PCDH7: variants seen among roughly 807,000 people sequenced by gnomAD.
The protein encoded by PCDH7 is protocadherin-7.
Under a neutral mutation model 58.9 loss-of-function variants are expected in PCDH7, and 17 were observed. The observed-to-expected ratio is 0.29, with a 90% CI of 0.20 to 0.43. The LOEUF (loss-of-function observed/expected upper bound fraction) is 0.43, where lower values mean the gene tolerates loss of function less well. Among genes scored for constraint, PCDH7 ranks in the 20% least tolerant of loss-of-function variants. The pLI, the probability that PCDH7 is intolerant of heterozygous loss-of-function variation, is 1.00. For missense variants in PCDH7, 1,274 were observed against 1,441.0 expected (o/e 0.88, Z 1.88); for synonymous variants, 664 against 616.4 (o/e 1.08, Z -1.14).
At chr4:30,905,091 A>G (rs1055006963) in intron 1 of PCDH7, among the ~76,000 whole-genome samples, 5 of 152,212 alleles carry the variant, frequency 3.3e-5, no homozygotes, top group African/African-American at 1.2e-4. Context: ...AAAATGGAGC[A>G]TCTGTTTGAG....
intron 1 of PCDH7, among the ~76,000 whole-genome samples, chr4:30,860,547 C>T (rs912482864): frequency 6.6e-6 from 1 of 152,002 alleles, no homozygotes; most frequent in East Asian, 1.9e-4. Flanking sequence ...CATATTTCGG[C>T]AGCCTATATG....
intron 1 of PCDH7, among the ~76,000 whole-genome samples, chr4:30,742,309 A>G (rs1717185058): frequency 6.6e-6 from 1 of 152,178 alleles, no homozygotes; most frequent in East Asian, 1.9e-4. Context: ...CATTTCAAAT[A>G]TTATCTAGAA....
At chr4:31,080,279 A>T (rs73218822) in intron 3 of PCDH7, among the ~76,000 whole-genome samples, 10,692 of 113,894 alleles carry the variant, frequency 0.094, 533 homozygotes, top group Middle Eastern at 0.14. Flanking sequence ...TTGTTTAGAA[A>T]GTTTTTTTTT....
chr4:30,862,696 CTTTCT>C (rs1399201924), intron 1 of PCDH7, among the ~76,000 whole-genome samples: 1 of 152,078 alleles, frequency 6.6e-6, no homozygotes, highest in East Asian at 1.9e-4. Flanking sequence ...TTGCTTTTTG[CTTTCT>C]TTTCTTAGTA....
chr4:31,064,407 T>A (rs1560615102), intron 3 of PCDH7, among the ~76,000 whole-genome samples: 1 of 151,984 alleles, frequency 6.6e-6, no homozygotes, highest in Non-Finnish European at 1.5e-5. Flanking sequence ...TGTCTTTGTA[T>A]GTGGCAACAA....
In PCDH7 at chr4:31,022,081, C is replaced by T. The variant is rs959294227; in HGVS notation, c.*7+71866C>T. Among the ~76,000 whole-genome samples the T allele has an allele frequency of 6.6e-5, 10 of 152,126 alleles. No individual in the cohort carries two copies. The East Asian group carries it at 1.2e-3, about 18-fold the overall frequency. ...ATAAAGAACACTTCCTTTGAATTAC[C>T]TTTTAAGGAAGTCAGTGTTTAAACT... On this transcript the variant is annotated intron_variant, in intron 3 of 3. Coordinates refer to the PCDH7 transcript ENST00000509759.
chr4:30,983,158 C>T (rs1750708856), intron 3 of PCDH7, among the ~76,000 whole-genome samples: 2 of 152,136 alleles, frequency 1.3e-5, no homozygotes, highest in East Asian at 1.9e-4. Flanking sequence ...GTTGGAGTTA[C>T]ATTGGCCAAA....
chr4:30,873,441 C>A (rs1243755930), intron 1 of PCDH7, among the ~76,000 whole-genome samples: 2 of 107,022 alleles, frequency 1.9e-5, no homozygotes, highest in East Asian at 4.4e-4. Context: ...CTTGGCTACC[C>A]AATGTTATGT....
At chr4:30,742,991 C>T (rs1018378869) in intron 1 of PCDH7, among the ~76,000 whole-genome samples, 2 of 152,022 alleles carry the variant, frequency 1.3e-5, no homozygotes, top group African/African-American at 4.8e-5. Context: ...TATCTCTGTT[C>T]TTTAATTAAT....
chr4:30,875,710 T>A (rs1166881467), intron 1 of PCDH7, among the ~76,000 whole-genome samples: 2 of 152,100 alleles, frequency 1.3e-5, no homozygotes, highest in African/African-American at 4.8e-5. Flanking sequence ...TTTAAGGTCA[T>A]CTGATTCCGT....
chr4:30,999,005 C>T (rs982694222), intron 3 of PCDH7, among the ~76,000 whole-genome samples: 1 of 152,084 alleles, frequency 6.6e-6, no homozygotes, highest in Non-Finnish European at 1.5e-5. Flanking sequence ...ATGTTTGTAG[C>T]TTTCCTTTAC....
chr4:30,855,527 C>T (rs1405310102), intron 1 of PCDH7, among the ~76,000 whole-genome samples: 1 of 152,122 alleles, frequency 6.6e-6, no homozygotes, highest in East Asian at 1.9e-4. Context: ...AATCACCAGT[C>T]AAATGAGCCT....
At chr4:31,108,006 C>G (rs184884046) in intron 3 of PCDH7, among the ~76,000 whole-genome samples, 114 of 152,032 alleles carry the variant, frequency 7.5e-4, no homozygotes, top group Non-Finnish European at 1.4e-3. Flanking sequence ...AAGGTAATGC[C>G]TTAACATACA....
intron 1 of PCDH7, among the ~76,000 whole-genome samples, chr4:30,800,056 C>A (rs1725334542): frequency 6.6e-6 from 1 of 151,494 alleles, no homozygotes; most frequent in African/African-American, 2.4e-5. Context: ...GACGGGATTT[C>A]ATTATGTTGG....
intron 3 of PCDH7, among the ~76,000 whole-genome samples, chr4:31,104,322 A>G (rs1295179667): frequency 6.6e-6 from 1 of 152,190 alleles, no homozygotes; most frequent in Non-Finnish European, 1.5e-5. Flanking sequence ...CCCTAATTGT[A>G]CTAAATTATA....
chr4:31,008,543 T>A (rs1752953569), intron 3 of PCDH7, among the ~76,000 whole-genome samples: 1 of 152,170 alleles, frequency 6.6e-6, no homozygotes, highest in Admixed American at 6.5e-5. Context: ...AATACAAAAA[T>A]TTTAAATGAA....
intron 1 of PCDH7, among the ~76,000 whole-genome samples, chr4:30,761,539 A>C (rs1303651993): frequency 2.6e-5 from 4 of 152,170 alleles, no homozygotes; most frequent in African/African-American, 9.7e-5. Context: ...TAAAAATTTA[A>C]TCTTCAAAAT....
intron 3 of PCDH7, among the ~76,000 whole-genome samples, chr4:30,989,418 G>A (rs1418664017): frequency 1.3e-5 from 2 of 152,032 alleles, no homozygotes; most frequent in Admixed American, 6.5e-5. Flanking sequence ...CAGTAATATC[G>A]GCCACCTGTA....
At chr4:30,850,971 C>T (rs966783784) in intron 1 of PCDH7, among the ~76,000 whole-genome samples, 25 of 152,064 alleles carry the variant, frequency 1.6e-4, no homozygotes, top group Admixed American at 1.2e-3. Context: ...TTTTTTCCTC[C>T]CTTATTCAGA....
Sources: gnomAD v4.1 joint callset for allele counts (sites outside exome capture counted in the v4.1 genomes callset) on GRCh38, gnomAD v4.1.1 for gene constraint, MANE v1.5 for transcripts, NCBI Gene and HGNC (gene_info 2026-07-23, HGNC 2026-07-21) for gene names.